The following PLCXD1 variants were observed in gnomAD, a reference collection of about 807,000 sequenced individuals.
PLCXD1 encodes PI-PLC X domain-containing protein 1.
Under a neutral mutation model 37.8 loss-of-function variants are expected in PLCXD1, and 45 were observed. The ratio of observed to expected loss-of-function variants is 1.19; its 90% CI spans 0.94 to 1.53. The LOEUF (loss-of-function observed/expected upper bound fraction) is 1.53, where lower values mean the gene tolerates loss of function less well. Ranked by LOEUF, PLCXD1 falls within the 40% of genes most tolerant of loss-of-function variation. The pLI is 0.00. For synonymous variants in PLCXD1, 246 were observed against 206.9 expected (o/e 1.19, Z -1.62); for missense variants, 539 against 454.7 (o/e 1.19, Z -1.69).
Position 299,525 on chromosome X carries a change from C to T in PLCXD1, c.*190C>T. The T allele has an allele frequency of 9.9e-6, 6 of 607,364 alleles. No homozygotes were observed. Among genetic ancestry groups the T allele is most frequent in the South Asian group, 2.0e-5 (1 of 51,140 alleles). The allele number at this position is 607,364 out of a possible 1,614,324, so 37.6% of individuals were successfully genotyped here. A position where few individuals can be genotyped will look rare whatever the true frequency, so the allele number is the denominator to read the frequency against. On this transcript the variant is annotated 3_prime_UTR_variant, in exon 7 of 7. Coordinates refer to ENST00000381657, the MANE Select transcript of PLCXD1 (RefSeq NM_018390.4). ...CTGTCTTCCCAGCACTTTGGGAGGCCGAGGTGGGTGGATCATGAGGTCAGG... is the reference window on the plus strand; with the variant it reads ...CTGTCTTCCCAGCACTTTGGGAGGCTGAGGTGGGTGGATCATGAGGTCAGG...
At position 299,171 on chromosome X, in the gene PLCXD1, G is replaced by A. The variant is rs767330543; in HGVS notation, c.808G>A (p.Glu270Lys). ...YVLAHPSESLEKMTLPNLPRL... is the reference protein window; with the variant it reads ...YVLAHPSESLKKMTLPNLPRL... Reference sequence around the variant, plus strand: ...TCTGGCGCACCCGTCCGAGTCCCTGGAGAAGATGACGCTGCCCAACCTTCC... The same window carrying A: ...TCTGGCGCACCCGTCCGAGTCCCTGAAGAAGATGACGCTGCCCAACCTTCC... The change falls in exon 7 of 7, where the codon GAG becomes AAG. Residue 270 changes from glutamate to lysine, a missense_variant. Physicochemically the swap from Glu to Lys is moderately conservative, Grantham distance 56 (BLOSUM62 1). Coordinates refer to ENST00000381657, the MANE Select transcript of PLCXD1 (RefSeq NM_018390.4). 111 of 1,613,830 alleles carry A rather than the reference G, an allele frequency of 6.9e-5. No homozygotes were observed. Among genetic ancestry groups the A allele is most frequent in the Non-Finnish European group, 8.6e-5 (101 of 1,179,872 alleles).
intron 1 of PLCXD1, among the ~76,000 whole-genome samples, chrX:282,703 C>CAAA (rs34034222): frequency 4.6e-5 from 5 of 109,500 alleles, no homozygotes; most frequent in African/African-American, 1.3e-4. Context: ...GAAACTGTGT[C>CAAA]AAAAAAAAAA....
rs2070065028 is a variant in PLCXD1 at position 302,979 on chromosome X, G to T, written c.*3644G>T. The T allele has an allele frequency of 6.6e-6, 1 of 152,126 alleles. No individual in the cohort carries two copies. The highest frequency in any genetic ancestry group is 2.4e-5 in the African/African-American group (1 of 41,424). The allele number at this position is 152,126 out of a possible 1,614,324, so 9.4% of individuals were successfully genotyped here. On this transcript the variant is annotated 3_prime_UTR_variant, in exon 7 of 7. Coordinates refer to ENST00000381657, the MANE Select transcript of PLCXD1 (RefSeq NM_018390.4). ...TACTCCCCTTTCCCAAGCAAATCGTGCATTTTTGTCTAACGAGAGACATCA... is the reference window on the plus strand; with the variant it reads ...TACTCCCCTTTCCCAAGCAAATCGTTCATTTTTGTCTAACGAGAGACATCA...
chrX:293,529 G>A (rs1203445558), intron 6 of PLCXD1, among the ~76,000 whole-genome samples: 1 of 152,164 alleles, frequency 6.6e-6, no homozygotes, highest in Non-Finnish European at 1.5e-5. Flanking sequence ...GGAGGCTGAG[G>A]CGGGCAGATC....
Position 302,482 on chromosome X carries a change from C to T in PLCXD1, c.*3147C>T, listed in dbSNP as rs1404673181. 1 of 152,178 alleles carries T rather than the reference C, an allele frequency of 6.6e-6. No homozygotes were observed. The highest frequency in any genetic ancestry group is 1.9e-4 in the East Asian group (1 of 5,166). The allele number at this position is 152,178 out of a possible 1,614,324, so 9.4% of individuals were successfully genotyped here. ...GATCTCAGCTCACTGCAACCTCTGC[C>T]TCCCGGGTTCAAGTGATTCTCCTGC... On this transcript the variant is annotated 3_prime_UTR_variant, in exon 7 of 7. Transcript: ENST00000381657.
intron 5 of PLCXD1, among the ~76,000 whole-genome samples, chrX:292,286 T>A (rs1231752190): frequency 1.3e-5 from 2 of 151,704 alleles, no homozygotes; most frequent in Non-Finnish European, 2.9e-5. Context: ...AAACCCCGTC[T>A]CTACTAACAC....
At chrX:282,408 A>C (rs1050016937) in intron 1 of PLCXD1, among the ~76,000 whole-genome samples, 53 of 151,758 alleles carry the variant, frequency 3.5e-4, no homozygotes, top group African/African-American at 9.2e-4. Flanking sequence ...AAAACAAAAA[A>C]AAAACCGTAC....
intron 3 of PLCXD1, among the ~76,000 whole-genome samples, chrX:289,854 C>A (rs1301930117): frequency 3.9e-5 from 6 of 152,090 alleles, no homozygotes; most frequent in Non-Finnish European, 8.8e-5. Context: ...GACAAGGACT[C>A]ATTTCTCGTG....
rs1461540895 is a variant in PLCXD1, at chrX:300,736, C to G, written c.*1401C>G. On this transcript the variant is annotated 3_prime_UTR_variant, in exon 7 of 7. Coordinates refer to ENST00000381657, the MANE Select transcript of PLCXD1 (RefSeq NM_018390.4). ...TATATATATTTTTTGAGGAGTCTCACTCTGTCACCCAGGCTGGAGTGCAAC... is the reference window on the plus strand; with the variant it reads ...TATATATATTTTTTGAGGAGTCTCAGTCTGTCACCCAGGCTGGAGTGCAAC... 6.6e-6 allele frequency: 1 copy of G among 151,938 alleles called. No homozygotes were observed. Among genetic ancestry groups the G allele is most frequent in the Non-Finnish European group, 1.5e-5 (1 of 68,018 alleles). The allele number at this position is 151,938 out of a possible 1,614,324, so 9.4% of individuals were successfully genotyped here.
Position 292,351 on chromosome X carries a change from C to T in PLCXD1, c.550-684C>T, listed in dbSNP as rs187459073. The stretch of plus-strand genomic sequence containing the variant: ...GCGGGCGCCTGTAGTCCCAGCTACT[C>T]GGGAGGCTGAGGCAGGAGAATGGTG... On this transcript the variant is annotated intron_variant, in intron 5 of 6. Coordinates refer to ENST00000381657, the MANE Select transcript of PLCXD1 (RefSeq NM_018390.4). Among the ~76,000 whole-genome samples the T allele has an allele frequency of 6.3e-3, 962 of 151,852 alleles. 6 individuals are homozygous for T. The highest frequency in any genetic ancestry group is 0.022 in the African/African-American group (904 of 41,420).
chrX:295,280 G>A (rs980224393), intron 6 of PLCXD1, among the ~76,000 whole-genome samples: 5 of 152,106 alleles, frequency 3.3e-5, no homozygotes, highest in African/African-American at 1.2e-4. Flanking sequence ...ACGGCCCCGT[G>A]TCCTCCGGAG....
In PLCXD1 at chrX:300,568, A is replaced by G. The variant is rs73613831; in HGVS notation, c.*1233A>G. 10 of 134,120 alleles carry G rather than the reference A, an allele frequency of 7.5e-5. No individual in the cohort carries two copies. Among genetic ancestry groups the G allele is most frequent in the African/African-American group, 1.6e-4 (4 of 25,220 alleles). The allele number at this position is 134,120 out of a possible 1,614,324, so 8.3% of individuals were successfully genotyped here. On this transcript the variant is annotated 3_prime_UTR_variant, in exon 7 of 7. Coordinates refer to ENST00000381657, the MANE Select transcript of PLCXD1 (RefSeq NM_018390.4). ...TATATGTGTATGCATGTATATGTGT[A>G]TGTGTACATGTATATGTGTTTATAC...
upstream of PLCXD1, among the ~76,000 whole-genome samples, chrX:279,775 G>GGAAAA (rs757116573): frequency 8.8e-4 from 123 of 140,368 alleles, no homozygotes; most frequent in African/African-American, 2.8e-3. Flanking sequence ...CCCTGTCTCT[G>GGAAAA]AAAAAAAAAA....
intron 3 of PLCXD1, among the ~76,000 whole-genome samples, chrX:289,657 T>G (rs1036164322): frequency 1.9e-4 from 29 of 151,050 alleles, no homozygotes; most frequent in African/African-American, 4.9e-4. Context: ...GACTACAGGC[T>G]CCCGCGACCA....
intron 1 of PLCXD1, among the ~76,000 whole-genome samples, chrX:282,581 T>A (rs1440081088): frequency 6.7e-6 from 1 of 150,258 alleles, no homozygotes; most frequent in South Asian, 2.1e-4. Flanking sequence ...GGCGGGCGCC[T>A]GTAATCCCAG....
In PLCXD1 at chrX:299,181, C is replaced by G. The variant is rs750320863; in HGVS notation, c.818C>G (p.Thr273Arg). ...CCGTCCGAGTCCCTGGAGAAGATGA[C>G]GCTGCCCAACCTTCCGCGGCTGAGC... is the stretch of plus-strand genomic sequence containing the variant. ...AHPSESLEKM[T>R]LPNLPRLSAW... The change falls in exon 7 of 7, where the codon ACG (threonine) becomes AGG (arginine). Residue 273 changes from threonine (T) to arginine (R), a missense_variant. Coordinates refer to ENST00000381657, the MANE Select transcript of PLCXD1 (RefSeq NM_018390.4). 7 of 1,613,904 alleles carry G rather than the reference C, an allele frequency of 4.3e-6. No individual in the cohort carries two copies. The highest frequency in any genetic ancestry group is 1.1e-5 in the South Asian group (1 of 91,074).
chrX:290,386 C>T (rs1226345162), intron 3 of PLCXD1, among the ~76,000 whole-genome samples: 4 of 150,716 alleles, frequency 2.7e-5, no homozygotes, highest in Admixed American at 1.3e-4. Context: ...GCCCAGATTG[C>T]ACCACTGCAC....
rs1160581916 is a variant in PLCXD1, at chrX:293,196, C to T, written c.711C>T (p.Thr237=). The T allele has an allele frequency of 6.2e-7, 1 of 1,611,182 alleles. No individual in the cohort carries two copies. Among genetic ancestry groups the T allele is most frequent in the African/African-American group, 1.3e-5 (1 of 74,986 alleles). The change falls in exon 6 of 7, where the codon ACC becomes ACT. Residue 237 remains threonine, a synonymous_variant. Coordinates refer to ENST00000381657, the MANE Select transcript of PLCXD1 (RefSeq NM_018390.4). ...KTEALIRYLE[T]MKSCGRPGGL... ...AGGCCCTCATCCGATACCTGGAGAC[C>T]ATGAAGAGCTGCGGCCGCCCAGGTA...
At chrX:283,863 CCTCT>C (rs915381473) in intron 1 of PLCXD1, 11 of 200,386 alleles carry the variant, frequency 5.5e-5, no homozygotes, top group Non-Finnish European at 1.0e-4. Context: ...GACCCCTTTT[CCTCT>C]CTCTCTCTCT....
Sources: gnomAD v4.1 joint callset for allele counts (sites outside exome capture counted in the v4.1 genomes callset) on GRCh38, gnomAD v4.1.1 for gene constraint, MANE v1.5 for transcripts, NCBI Gene and HGNC (gene_info 2026-07-23, HGNC 2026-07-21) for gene names.